The following ALKBH8 variants were observed in gnomAD, a reference collection of about 807,000 sequenced individuals.
ALKBH8 encodes the protein alkB homolog 8, tRNA methyltransferase.
ALKBH8 carries 36 observed loss-of-function variants against 59.8 expected under a neutral mutation model. That is an observed-to-expected ratio of 0.60 (90% confidence interval 0.46 to 0.79). The LOEUF is 0.79. Among genes scored for constraint, ALKBH8 ranks in the 30% least tolerant of loss-of-function variants. ALKBH8 has a pLI of 0.00. For missense variants in ALKBH8, 768 were observed against 801.0 expected (o/e 0.96, Z 0.50); for synonymous variants, 276 against 273.6 (o/e 1.01, Z -0.09).
chr11:107,533,773 A>C (rs1211042637), intron 7 of ALKBH8, among the ~76,000 whole-genome samples: 1 of 152,196 alleles, frequency 6.6e-6, no homozygotes, highest in Non-Finnish European at 1.5e-5. Flanking sequence ...TATTAATTGT[A>C]GAATCTAGCT....
At chr11:107,526,822 T>C (rs1339269186) in intron 8 of ALKBH8, among the ~76,000 whole-genome samples, 1 of 151,992 alleles carries the variant, frequency 6.6e-6, no homozygotes, top group Non-Finnish European at 1.5e-5. Context: ...CACCATCTGA[T>C]GAAAAATTTC....
chr11:107,548,549 C>T (rs570473884), intron 7 of ALKBH8, among the ~76,000 whole-genome samples: 160 of 152,160 alleles, frequency 1.1e-3, no homozygotes, highest in African/African-American at 3.7e-3. Flanking sequence ...GTTTTTTCCT[C>T]CCCGATCTCA....
chr11:107,557,526 C>A (rs888231888), intron 2 of ALKBH8, among the ~76,000 whole-genome samples: 1 of 152,032 alleles, frequency 6.6e-6, no homozygotes, highest in South Asian at 2.1e-4. Flanking sequence ...TATTTCTGTC[C>A]GTTTCCAGGA....
rs560399383 is a variant in ALKBH8 at position 107,522,713 on chromosome 11, T to C, written c.1031-158A>G. 1.2e-4 allele frequency among the ~76,000 whole-genome samples: 19 copies of C among 152,240 alleles called. No homozygotes were observed. In the East Asian group the frequency reaches 2.9e-3, roughly 23 times the overall value. ...AAAAGTTCTTCCCTAATAAGTCTACTGAGGACTGCTTGAGTCTGGGGGGCC... is the reference window on the plus strand; with the variant it reads ...AAAAGTTCTTCCCTAATAAGTCTACCGAGGACTGCTTGAGTCTGGGGGGCC... On this transcript the variant is annotated intron_variant, in intron 9 of 11. Transcript: ENST00000428149.
At chr11:107,515,996 G>A (rs1162882996) in intron 10 of ALKBH8, among the ~76,000 whole-genome samples, 4 of 152,068 alleles carry the variant, frequency 2.6e-5, no homozygotes, top group Admixed American at 2.0e-4. Context: ...TCAAAATAGG[G>A]AAAACACTAA....
intron 8 of ALKBH8, among the ~76,000 whole-genome samples, chr11:107,527,585 A>C (rs1239904135): frequency 6.6e-6 from 1 of 152,018 alleles, no homozygotes; most frequent in African/African-American, 2.4e-5. Context: ...AATTCTGAGT[A>C]CTGGAAAGGA....
chr11:107,504,576 A>C lies in ALKBH8; in HGVS notation c.*82T>G, dbSNP rs760722238. The stretch of plus-strand genomic sequence containing the variant: ...GTACTTTCCCACAAGTTTTCTCTTT[A>C]ATTAAAAGGGTAATTAATTTATTCT... On this transcript the variant is annotated 3_prime_UTR_variant, in exon 12 of 12. Transcript: ENST00000428149. 4 of 1,497,936 alleles carry C rather than the reference A, an allele frequency of 2.7e-6. No homozygotes were observed. Among genetic ancestry groups the C allele is most frequent in the Non-Finnish European group, 3.6e-6 (4 of 1,103,484 alleles). 92.8% of individuals were successfully genotyped at this position (1,497,936 alleles called of 1,614,324 possible).
At chr11:107,536,911 C>G (rs650669) in intron 7 of ALKBH8, among the ~76,000 whole-genome samples, 46,156 of 152,062 alleles carry the variant, frequency 0.3, 7,313 homozygotes, top group East Asian at 0.47. Flanking sequence ...CAGCCAGGGA[C>G]GTTTGACCCC....
chr11:107,512,368 C>T (rs1243205917), intron 10 of ALKBH8, among the ~76,000 whole-genome samples: 1 of 152,030 alleles, frequency 6.6e-6, no homozygotes, highest in Non-Finnish European at 1.5e-5. Context: ...AGCTCGAGTA[C>T]AGTGGTGCAA....
At chr11:107,528,254 T>C (rs1424474339) in intron 8 of ALKBH8, among the ~76,000 whole-genome samples, 4 of 152,150 alleles carry the variant, frequency 2.6e-5, no homozygotes, top group Non-Finnish European at 4.4e-5. Context: ...AGATGTTGGT[T>C]TGTAATTTTC....
intron 6 of ALKBH8, 133 bp downstream of exon 6, chr11:107,551,675 C>A (rs11212280): frequency 0.061 from 16,239 of 267,156 alleles, 609 homozygotes; most frequent in Middle Eastern, 0.09. Context: ...GCATGGGCAA[C>A]AAGAGCGAAA....
chr11:107,512,972 T>C (rs1862702266), intron 10 of ALKBH8, among the ~76,000 whole-genome samples: 1 of 152,136 alleles, frequency 6.6e-6, no homozygotes, highest in Admixed American at 6.5e-5. Context: ...GGAAATACCA[T>C]TCTGGACATA....
chr11:107,507,789 C>T (rs950687228), intron 11 of ALKBH8, among the ~76,000 whole-genome samples: 1 of 152,166 alleles, frequency 6.6e-6, no homozygotes, highest in Non-Finnish European at 1.5e-5. Flanking sequence ...TTGAAAAGAA[C>T]ACTGCAGTAG....
chr11:107,540,520 T>TA (rs1863992823), intron 7 of ALKBH8, among the ~76,000 whole-genome samples: 1 of 152,180 alleles, frequency 6.6e-6, no homozygotes, highest in Non-Finnish European at 1.5e-5. Flanking sequence ...GAAAATCAGC[T>TA]AAAAAAGAAA....
intron 5 of ALKBH8, 75 bp from the exon 6 acceptor site, chr11:107,551,987 A>C: frequency 1.3e-6 from 1 of 771,822 alleles, no homozygotes. Flanking sequence ...TTTAAAAGTC[A>C]CTGTGATATA....
At chr11:107,560,650 G>T in intron 2 of ALKBH8, 115 bp downstream of exon 2, 1 of 988,966 alleles carries the variant, frequency 1.0e-6, no homozygotes, top group Non-Finnish European at 1.4e-6. Context: ...CTCTAATATG[G>T]ATGTAACACA....
rs1862268418 is a variant in ALKBH8, at chr11:107,503,831, C to T, written c.*827G>A. On this transcript the variant is annotated 3_prime_UTR_variant, in exon 12 of 12. Coordinates refer to ENST00000428149, the MANE Select transcript of ALKBH8 (RefSeq NM_138775.3). ...TCAATGAATTTGGAATACCAATTAA[C>T]TCTTGATAATAAATTAGTCAGGATT... The T allele has an allele frequency of 6.6e-6, 1 of 152,232 alleles. No homozygotes were observed. The highest frequency in any genetic ancestry group is 1.5e-5 in the Non-Finnish European group (1 of 68,036). 9.4% of individuals were successfully genotyped at this position (152,232 alleles called of 1,614,324 possible).
chr11:107,513,879 G>T (rs1164802405), intron 10 of ALKBH8, among the ~76,000 whole-genome samples: 1 of 152,086 alleles, frequency 6.6e-6, no homozygotes, highest in Non-Finnish European at 1.5e-5. Context: ...AGAGACACTG[G>T]GGCCTGCTTA....
intron 7 of ALKBH8, among the ~76,000 whole-genome samples, chr11:107,546,642 T>C (rs553735595): frequency 7.5e-4 from 114 of 152,330 alleles, no homozygotes; most frequent in Middle Eastern, 3.4e-3. Context: ...ATATGAGATA[T>C]TAACTTGTTT....
Sources: gnomAD v4.1 joint callset for allele counts (sites outside exome capture counted in the v4.1 genomes callset) on GRCh38, gnomAD v4.1.1 for gene constraint, MANE v1.5 for transcripts, NCBI Gene and HGNC (gene_info 2026-07-23, HGNC 2026-07-21) for gene names.